LDLRAP1: variants seen among roughly 807,000 people sequenced by gnomAD.
LDLRAP1 encodes the protein low density lipoprotein receptor adaptor protein 1.
In LDLRAP1, 30 loss-of-function variants were observed where a neutral mutation model predicts 37.8. The observed-to-expected ratio is 0.79, with a 90% confidence interval of 0.59 to 1.08. LDLRAP1 has a LOEUF of 1.08. LDLRAP1 is among the 50% of genes least tolerant of loss of function. LDLRAP1 has a pLI of 0.00. For synonymous variants in LDLRAP1, 156 were observed against 169.8 expected, an observed-to-expected ratio of 0.92 and a Z score of 0.63; for missense variants, 375 against 401.6, an observed-to-expected ratio of 0.93 and a Z score of 0.57.
chr1:25,567,036 G>A lies in LDLRAP1; in HGVS notation c.*44G>A, dbSNP rs774973691. The A allele has an allele frequency of 4.3e-6, 7 of 1,612,108 alleles. No homozygotes were observed. In the South Asian group the frequency reaches 4.4e-5, roughly 10 times the overall value. On this transcript the variant is annotated 3_prime_UTR_variant, in exon 9 of 9. Coordinates refer to ENST00000374338, the MANE Select transcript of LDLRAP1 (RefSeq NM_015627.3). ...ACACAAGCGGCCCTGACACGTGATG[G>A]ACCAAAGCCACCTGCTGCGGGGGAG...
At chr1:25,588,590 A>G in the LDLRAP1 span, among the ~76,000 whole-genome samples, 2 of 152,152 alleles carry the variant, frequency 1.3e-5, no homozygotes, top group African/African-American at 4.8e-5. Context: ...CTCCACTATT[A>G]TCCTATGATC....
At chr1:25,581,218 C>T in the LDLRAP1 span, among the ~76,000 whole-genome samples, 1 of 152,162 alleles carries the variant, frequency 6.6e-6, no homozygotes, top group Non-Finnish European at 1.5e-5. Flanking sequence ...TTGCTGTAGC[C>T]AGCAGCCTGG....
At chr1:25,563,594 G>A in intron 6 of LDLRAP1, 67 bp from the exon 7 acceptor site, 1 of 1,600,978 alleles carries the variant, frequency 6.2e-7, no homozygotes, top group East Asian at 2.2e-5. Context: ...GGCCAGGACA[G>A]CCCAGGGAGG....
intron 1 of LDLRAP1, among the ~76,000 whole-genome samples, chr1:25,550,692 C>T (rs923896172): frequency 3.3e-5 from 5 of 152,130 alleles, no homozygotes; most frequent in African/African-American, 1.2e-4. Context: ...TTACCTTGCA[C>T]AGGTCCCATC....
chr1:25,587,997 C>T, the LDLRAP1 span, among the ~76,000 whole-genome samples: 3 of 152,114 alleles, frequency 2.0e-5, no homozygotes, highest in African/African-American at 7.2e-5. Context: ...CCCTGTGCTC[C>T]CTGAAACAAG....
intron 4 of LDLRAP1, among the ~76,000 whole-genome samples, chr1:25,560,119 G>A (rs932724525): frequency 6.6e-6 from 1 of 152,176 alleles, no homozygotes; most frequent in African/African-American, 2.4e-5. Context: ...ATTAACACAC[G>A]TGCAAACGCA....
At chr1:25,588,695 C>T in the LDLRAP1 span, among the ~76,000 whole-genome samples, 1 of 152,118 alleles carries the variant, frequency 6.6e-6, no homozygotes, top group Non-Finnish European at 1.5e-5. Context: ...TGCTGAACGC[C>T]GGTCCCCTGG....
intron 1 of LDLRAP1, among the ~76,000 whole-genome samples, chr1:25,552,954 G>A (rs569087036): frequency 1.3e-5 from 2 of 152,172 alleles, no homozygotes; most frequent in East Asian, 1.9e-4. Context: ...AGAGGAGAGG[G>A]GACTTCCCTA....
the LDLRAP1 span, among the ~76,000 whole-genome samples, chr1:25,585,053 G>T: frequency 6.6e-6 from 1 of 152,214 alleles, no homozygotes; most frequent in Admixed American, 6.5e-5. Context: ...AAGCAGTGTG[G>T]CACATGGGGA....
rs2044405990 is a variant in LDLRAP1 at position 25,563,708 on chromosome 1, C to T, written c.664C>T (p.Pro222Ser). ...LLDLEETAKA[P>S]LSTVSANTTN... Reference sequence around the variant, plus strand: ...GGACTTAGAGGAGACAGCTAAGGCCCCGCTGTCCACGGTCAGCGCCAACAC... The same window carrying T: ...GGACTTAGAGGAGACAGCTAAGGCCTCGCTGTCCACGGTCAGCGCCAACAC... The change falls in exon 7 of 9, where the codon CCG becomes TCG. Residue 222 changes from proline (P) to serine (S), a missense_variant. Coordinates refer to ENST00000374338, the MANE Select transcript of LDLRAP1 (RefSeq NM_015627.3). 1 of 1,613,822 alleles carries T rather than the reference C, an allele frequency of 6.2e-7. No homozygotes were observed. Among genetic ancestry groups the T allele is most frequent in the Non-Finnish European group, 8.5e-7 (1 of 1,180,022 alleles).
the LDLRAP1 span, among the ~76,000 whole-genome samples, chr1:25,574,035 T>C: frequency 6.6e-6 from 1 of 150,548 alleles, no homozygotes; most frequent in Non-Finnish European, 1.5e-5. Flanking sequence ...GGAAGGGGAG[T>C]GGCCTGGCCG....
chr1:25,565,214 C>G lies in LDLRAP1; in HGVS notation c.782+7C>G. On this transcript the variant is annotated splice_region_variant and intron_variant, in intron 8 of 8. Transcript: ENST00000374338. Reference sequence around the variant, plus strand: ...TGGATGAAGCGTTTTCGAGGTAATGCTAGCTTCCTGTGCTGGGTAGGGGGC... The same window carrying G: ...TGGATGAAGCGTTTTCGAGGTAATGGTAGCTTCCTGTGCTGGGTAGGGGGC... The G allele has an allele frequency of 1.9e-6, 3 of 1,613,906 alleles. No homozygotes were observed. Among genetic ancestry groups the G allele is most frequent in the Non-Finnish European group, 2.5e-6 (3 of 1,179,858 alleles).
chr1:25,563,269 G>C, intron 6 of LDLRAP1, 116 bp downstream of exon 6: 1 of 754,206 alleles, frequency 1.3e-6, no homozygotes, highest in Non-Finnish European at 2.2e-6. Flanking sequence ...CTTGTGTTTT[G>C]TTAAATAAAT....
rs753908995 is a variant in LDLRAP1, at chr1:25,566,837, C to T, written c.783-11C>T. The T allele has an allele frequency of 6.2e-7, 1 of 1,605,222 alleles. No individual in the cohort carries two copies. The highest frequency in any genetic ancestry group is 1.7e-5 in the Admixed American group (1 of 59,118). ...ACCCAGGCTCTCGGCTCACACAGCT[C>T]TGCCTTCCAGGCTTGCCCAGTCTCG... On this transcript the variant is annotated splice_polypyrimidine_tract_variant and intron_variant, in intron 8 of 8. Transcript: ENST00000374338.
In LDLRAP1 at chr1:25,548,335, CTTTTTTTTTTTT is replaced by C. The variant is rs144789866; in HGVS notation, c.88+4568_88+4579del. Among the ~76,000 whole-genome samples the C allele has an allele frequency of 3.9e-3, 322 of 82,310 alleles. 5 individuals carry two copies. The highest frequency in any genetic ancestry group is 0.015 in the South Asian group (39 of 2,682). 54.0% of individuals were successfully genotyped at this position (82,310 alleles called of 152,430 possible). Reference sequence around the variant, plus strand: ...CAAGACAACCCCATGGATGGATACTCTTTTTTTTTTTTTTTTTTTTTTTTTTTTTTAAGAGGG... The same window carrying C: ...CAAGACAACCCCATGGATGGATACTCTTTTTTTTTTTTTTTTTTAAGAGGG... On this transcript the variant is annotated intron_variant, in intron 1 of 8. Transcript: ENST00000374338.
chr1:25,580,219 G>A, the LDLRAP1 span, among the ~76,000 whole-genome samples: 39 of 152,242 alleles, frequency 2.6e-4, no homozygotes, highest in African/African-American at 8.7e-4. Context: ...TAGCTGACTA[G>A]GGTGAACATC....
chr1:25,562,565 A>G lies in LDLRAP1; in HGVS notation c.460-79A>G, dbSNP rs558502980. The stretch of plus-strand genomic sequence containing the variant: ...GAGGGAGCCAGGGGGCCTGGCCTGG[A>G]GGCCCCAGCCCTCCAGTGCAGACTT... On this transcript the variant is annotated intron_variant, in intron 4 of 8. Transcript: ENST00000374338. The G allele has an allele frequency of 6.7e-4, 825 of 1,226,800 alleles. 8 individuals carry two copies. Among genetic ancestry groups the G allele is most frequent in the South Asian group, 3.3e-3 (276 of 83,012 alleles). 76.0% of individuals were successfully genotyped at this position (1,226,800 alleles called of 1,614,324 possible). A position where few individuals can be genotyped will look rare whatever the true frequency, so the allele number is the denominator to read the frequency against.
chr1:25,558,748 A>T (rs1465811082), intron 4 of LDLRAP1, among the ~76,000 whole-genome samples: 1 of 152,152 alleles, frequency 6.6e-6, no homozygotes, highest in Non-Finnish European at 1.5e-5. Context: ...GTAATCTGGG[A>T]TAATCTCCAT....
rs780582666 is a variant in LDLRAP1 at position 25,554,967 on chromosome 1, A to G, written c.339A>G (p.Ile113Met). 6.2e-6 allele frequency: 10 copies of G among 1,612,736 alleles called. No homozygotes were observed. Among genetic ancestry groups the G allele is most frequent in the South Asian group, 3.3e-5 (3 of 91,032 alleles). Reference protein sequence around the residue: ...LTNQLIENVSIYRISYCTADK... With the variant: ...LTNQLIENVSMYRISYCTADK... ...ACCAGCTCATTGAGAACGTGTCCAT[A>G]TACAGGTACGCTCAGCATGGGGTTG... is the stretch of plus-strand genomic sequence containing the variant. Residue 113 changes from isoleucine to methionine, a missense_variant, in exon 3 of 9, where the codon ATA becomes ATG. Coordinates refer to ENST00000374338, the MANE Select transcript of LDLRAP1 (RefSeq NM_015627.3). This position sits in a 1 kb window ranked among gnomAD's most constrained non-coding sequence, Gnocchi z 5.4.
Sources: allele counts gnomAD v4.1 joint callset (sites outside exome capture counted in the v4.1 genomes callset), GRCh38; gene constraint gnomAD v4.1.1; non-coding constraint Gnocchi (gnomAD v3.1); transcripts MANE v1.5; gene names NCBI Gene and HGNC (gene_info 2026-07-23, HGNC 2026-07-21).